VIT: variants seen among roughly 807,000 people sequenced by gnomAD.
VIT encodes vitrin.
In VIT, 99 loss-of-function variants were observed where a neutral mutation model predicts 78.0. That is an observed-to-expected ratio of 1.27 (90% confidence interval 1.08 to 1.50). The LOEUF (loss-of-function observed/expected upper bound fraction) is 1.50, where lower values mean the gene tolerates loss of function less well. Ranked by LOEUF, VIT falls within the 40% of genes most tolerant of loss-of-function variation. VIT has a pLI of 0.00. For missense variants in VIT, 1,126 were observed against 875.3 expected, an observed-to-expected ratio of 1.29 and a Z score of -3.61; for synonymous variants, 374 against 334.3, an observed-to-expected ratio of 1.12 and a Z score of -1.29.
At chr2:36,811,967 C>T (rs893947916) in intron 15 of VIT, among the ~76,000 whole-genome samples, 8 of 152,130 alleles carry the variant, frequency 5.3e-5, no homozygotes, top group African/African-American at 1.9e-4. Flanking sequence ...TGAGCCACCA[C>T]GCCTGGCCCG....
chr2:36,805,998 TCACA>T (rs941060114), intron 14 of VIT, among the ~76,000 whole-genome samples: 5 of 150,806 alleles, frequency 3.3e-5, no homozygotes, highest in Non-Finnish European at 5.9e-5. Context: ...TCTCTCTCTC[TCACA>T]CACACACACA....
intron 3 of VIT, 56 bp downstream of exon 3, chr2:36,729,547 GTTA>G (rs1667067840): frequency 5.9e-6 from 9 of 1,532,958 alleles, no homozygotes; most frequent in Non-Finnish European, 8.0e-6. Context: ...CACATGGAGG[GTTA>G]TTATACTTGT....
intron 12 of VIT, among the ~76,000 whole-genome samples, chr2:36,799,864 A>G (rs1347423981): frequency 6.6e-6 from 1 of 151,972 alleles, no homozygotes; most frequent in Non-Finnish European, 1.5e-5. Flanking sequence ...CCTGGCCAAC[A>G]TGGCAAAACC....
chr2:36,798,934 C>A (rs530917390), intron 12 of VIT, among the ~76,000 whole-genome samples: 8 of 152,126 alleles, frequency 5.3e-5, no homozygotes, highest in Non-Finnish European at 1.2e-4. Context: ...AGGAAGGTCA[C>A]GCCCAGCTCA....
intron 1 of VIT, among the ~76,000 whole-genome samples, chr2:36,713,007 C>G (rs1202384894): frequency 1.3e-5 from 2 of 152,128 alleles, no homozygotes; most frequent in Non-Finnish European, 2.9e-5. Flanking sequence ...AAATAAAAAT[C>G]CCTGCCCTTT....
chr2:36,799,396 G>C lies in VIT; in HGVS notation c.1059-1905G>C, dbSNP rs144786586. On this transcript the variant is annotated intron_variant, in intron 12 of 15. Coordinates refer to ENST00000379242, the MANE Select transcript of VIT (RefSeq NM_053276.4). ...CCGCTTCTTCCTGGATCCATTTCTG[G>C]TGTTTGTAGAAAGGCTACTTTAAAA... 6.6e-3 allele frequency among the ~76,000 whole-genome samples: 1,011 copies of C among 152,232 alleles called. 5 individuals carry two copies. The highest frequency in any genetic ancestry group is 0.011 in the Non-Finnish European group (730 of 68,016).
At chr2:36,797,555 G>A (rs1020317758) in intron 12 of VIT, among the ~76,000 whole-genome samples, 1 of 152,196 alleles carries the variant, frequency 6.6e-6, no homozygotes, top group Admixed American at 6.5e-5. Context: ...GGTGGATCAG[G>A]CTTGGAAGAT....
chr2:36,802,795 G>A (rs1258087459), intron 13 of VIT, among the ~76,000 whole-genome samples: 3 of 152,222 alleles, frequency 2.0e-5, no homozygotes, highest in African/African-American at 7.2e-5. Flanking sequence ...ATTGTCCAGA[G>A]TTTGGGTTCT....
chr2:36,700,777 C>A (rs556607697), intron 1 of VIT, among the ~76,000 whole-genome samples: 1 of 152,056 alleles, frequency 6.6e-6, no homozygotes, highest in African/African-American at 2.4e-5. Context: ...CTAACACTTC[C>A]AGAGCTATTC....
Position 36,727,474 on chromosome 2 carries a change from G to A in VIT, c.53-1952G>A, listed in dbSNP as rs370049744. Among the ~76,000 whole-genome samples the A allele has an allele frequency of 2.8e-4, 42 of 152,320 alleles. No individual in the cohort carries two copies. The South Asian group carries it at 8.5e-3, about 31-fold the overall frequency. ...CATCCCACCTCCATCATTAATTCATGGGATGAGACAAATTAGTGGACTTCT... is the reference window on the plus strand; with the variant it reads ...CATCCCACCTCCATCATTAATTCATAGGATGAGACAAATTAGTGGACTTCT... On this transcript the variant is annotated intron_variant, in intron 2 of 15. Transcript: ENST00000379242.
At chr2:36,758,196 A>G (rs1234237052) in intron 5 of VIT, among the ~76,000 whole-genome samples, 1 of 152,250 alleles carries the variant, frequency 6.6e-6, no homozygotes, top group Non-Finnish European at 1.5e-5. Flanking sequence ...CTGAATAAAT[A>G]CTTCTTGAGC....
chr2:36,746,735 C>G (rs7598592), intron 4 of VIT, among the ~76,000 whole-genome samples: 1,755 of 151,950 alleles, frequency 0.012, 39 homozygotes, highest in African/African-American at 0.04. Context: ...TCTTGTTTAT[C>G]CTTTCAAAAA....
chr2:36,808,421 C>T (rs1666890953), intron 14 of VIT, 51 bp from the exon 15 acceptor site: 1 of 1,553,386 alleles, frequency 6.4e-7, no homozygotes. Context: ...AATGGTGACA[C>T]TGGAGGATTT....
chr2:36,772,099 T>C (rs1046758416), intron 7 of VIT, among the ~76,000 whole-genome samples: 1 of 152,172 alleles, frequency 6.6e-6, no homozygotes, highest in African/African-American at 2.4e-5. Context: ...ATCTGCATAA[T>C]TAAACAGAAA....
At chr2:36,721,797 A>G (rs1313977994) in intron 2 of VIT, among the ~76,000 whole-genome samples, 1 of 152,024 alleles carries the variant, frequency 6.6e-6, no homozygotes, top group Admixed American at 6.5e-5. Flanking sequence ...CCCACCAACC[A>G]TGCTATCCTC....
chr2:36,759,527 T>C, intron 6 of VIT: 1 of 1,109,944 alleles, frequency 9.0e-7, no homozygotes, highest in Non-Finnish European at 1.1e-6. Context: ...AGCTTTCATG[T>C]GAACCACAAA....
At chr2:36,768,291 G>C (rs1669555484) in intron 7 of VIT, among the ~76,000 whole-genome samples, 1 of 152,106 alleles carries the variant, frequency 6.6e-6, no homozygotes, top group South Asian at 2.1e-4. Context: ...TATTAGCCAG[G>C]TGTGGTGGCA....
chr2:36,809,989 T>TAAAAAA (rs1472664810), intron 15 of VIT, among the ~76,000 whole-genome samples: 1 of 26,780 alleles, frequency 3.7e-5, no homozygotes, highest in African/African-American at 2.7e-4. Flanking sequence ...AGATCCTGTC[T>TAAAAAA]CAAAAAAAAA....
chr2:36,725,662 TA>T (rs1465444215), intron 2 of VIT, among the ~76,000 whole-genome samples: 4 of 151,770 alleles, frequency 2.6e-5, no homozygotes, highest in Non-Finnish European at 4.4e-5. Flanking sequence ...ATAAGATAAA[TA>T]AAAAGTTTTT....
Sources: allele counts gnomAD v4.1 joint callset (sites outside exome capture counted in the v4.1 genomes callset), GRCh38; gene constraint gnomAD v4.1.1; transcripts MANE v1.5; gene names NCBI Gene and HGNC (gene_info 2026-07-23, HGNC 2026-07-21).